SVIL: variants seen among roughly 807,000 people sequenced by gnomAD.
The protein encoded by SVIL is supervillin.
In SVIL, 101 loss-of-function variants were observed where a neutral mutation model predicts 240.4. The observed-to-expected ratio is 0.42, with a 90% confidence interval of 0.36 to 0.50. The LOEUF (loss-of-function observed/expected upper bound fraction) is 0.50, where lower values mean the gene tolerates loss of function less well. SVIL is among the 20% of genes least tolerant of loss of function. The pLI, the probability that SVIL is intolerant of heterozygous loss-of-function variation, is 0.01. For synonymous variants in SVIL, 999 were observed against 1,100.0 expected (o/e 0.91, Z 1.82); for missense variants, 2,512 against 2,818.7 (o/e 0.89, Z 2.46).
chr10:29,717,093 C>T (rs1963659072), intron 1 of SVIL, among the ~76,000 whole-genome samples: 1 of 151,782 alleles, frequency 6.6e-6, no homozygotes, highest in Admixed American at 6.6e-5. Context: ...ATTAGCCGGG[C>T]GTGGTGGGGG....
intron 1 of SVIL, among the ~76,000 whole-genome samples, chr10:29,590,307 G>C (rs1956342051): frequency 6.6e-6 from 1 of 151,774 alleles, no homozygotes; most frequent in Admixed American, 6.6e-5. Flanking sequence ...CTGCCCAACA[G>C]GTTCCCAGCA....
chr10:29,536,791 A>G (rs1297075020), intron 6 of SVIL, among the ~76,000 whole-genome samples: 1 of 151,666 alleles, frequency 6.6e-6, no homozygotes, highest in Non-Finnish European at 1.5e-5. Context: ...GGCACCAGTA[A>G]TTCCAGCTAC....
At chr10:29,676,481 A>G (rs56278021) in intron 2 of SVIL, among the ~76,000 whole-genome samples, 5,650 of 152,288 alleles carry the variant, frequency 0.037, 363 homozygotes, top group African/African-American at 0.13. Flanking sequence ...CTTACCCCCA[A>G]TGCAGAGAGC....
intron 1 of SVIL, among the ~76,000 whole-genome samples, chr10:29,727,591 T>C (rs7078975): frequency 0.81 from 122,851 of 152,040 alleles, 50,126 homozygotes; most frequent in East Asian, 0.95. Context: ...CCAAACCACC[T>C]GGGATAAGTA....
chr10:29,702,432 A>G (rs1282877894), intron 1 of SVIL, among the ~76,000 whole-genome samples: 2 of 152,184 alleles, frequency 1.3e-5, no homozygotes, highest in Non-Finnish European at 2.9e-5. Context: ...CGTGAGATTA[A>G]CAACTGCATG....
rs1547172 is a variant in SVIL at position 29,555,346 on chromosome 10, G to A, written c.-50-238C>T. 0.34 allele frequency among the ~76,000 whole-genome samples: 32,106 copies of A among 93,990 alleles called. 3,523 individuals are homozygous for A. The highest frequency in any genetic ancestry group is 0.37 in the African/African-American group (8,124 of 21,876). 61.7% of individuals were successfully genotyped at this position (93,990 alleles called of 152,430 possible). A position where few individuals can be genotyped will look rare whatever the true frequency, so the allele number is the denominator to read the frequency against. On this transcript the variant is annotated intron_variant, in intron 3 of 37. Transcript: ENST00000355867. ...CACACACACACACACACACACACAT[G>A]GACACACCCTAGGACGCATCATCCT...
At chr10:29,531,676 T>TA (rs1473622424) in intron 9 of SVIL, among the ~76,000 whole-genome samples, 1 of 152,228 alleles carries the variant, frequency 6.6e-6, no homozygotes, top group Admixed American at 6.5e-5. Flanking sequence ...ATTTTCACTG[T>TA]AAAATCTGGT....
intron 1 of SVIL, among the ~76,000 whole-genome samples, chr10:29,700,880 C>A (rs943599300): frequency 6.6e-6 from 1 of 152,154 alleles, no homozygotes; most frequent in Non-Finnish European, 1.5e-5. Flanking sequence ...CAAAAACAAG[C>A]TTGAGAAGCA....
intron 1 of SVIL, among the ~76,000 whole-genome samples, chr10:29,590,562 T>G (rs1195392292): frequency 6.6e-6 from 1 of 152,254 alleles, no homozygotes; most frequent in Non-Finnish European, 1.5e-5. Flanking sequence ...GTAGATCACA[T>G]ATGCCATCTG....
At position 29,532,994 on chromosome 10, in the gene SVIL, G is replaced by A. The variant is rs1476416523; in HGVS notation, c.1373C>T (p.Ala458Val). ...ALEQSKKTLLALEGDGLVRSP... is the reference protein window; with the variant it reads ...ALEQSKKTLLVLEGDGLVRSP... ...TCTCACTAGCCCATCACCCTCCAAA[G>A]CCAGTAGGGTTTTCTTGCTTTGCTC... The change falls in exon 8 of 38, where the codon GCT becomes GTT. Residue 458 changes from alanine (A) to valine (V), a missense_variant. Physicochemically the swap from Ala to Val is moderately conservative, Grantham distance 64 (BLOSUM62 0). This residue lies in a region of SVIL where 1,443 missense variants were observed against 1,486.6 expected (regional missense o/e 0.97). Transcript: ENST00000355867. The A allele has an allele frequency of 6.2e-7, 1 of 1,614,136 alleles. No homozygotes were observed. The highest frequency in any genetic ancestry group is 8.5e-7 in the Non-Finnish European group (1 of 1,180,024).
upstream of SVIL, among the ~76,000 whole-genome samples, chr10:29,636,910 T>G (rs771659632): frequency 6.6e-6 from 1 of 152,164 alleles, no homozygotes; most frequent in Non-Finnish European, 1.5e-5. Flanking sequence ...GAGGCAGTCC[T>G]CCTGCCTCAG....
At chr10:29,702,186 A>AAG (rs1962567698) in intron 1 of SVIL, among the ~76,000 whole-genome samples, 1 of 151,390 alleles carries the variant, frequency 6.6e-6, no homozygotes, top group Non-Finnish European at 1.5e-5. Flanking sequence ...AAAAAAAAAA[A>AAG]AAAAAAAAAA....
At chr10:29,555,259 T>C (rs1258488196) in intron 3 of SVIL, among the ~76,000 whole-genome samples, 151 bp from the exon 4 acceptor site, 1 of 152,114 alleles carries the variant, frequency 6.6e-6, no homozygotes, top group Non-Finnish European at 1.5e-5. Flanking sequence ...TCCTGCTTTC[T>C]TGGAAACTGT....
Position 29,522,519 on chromosome 10 carries a change from C to G in SVIL, c.3280G>C (p.Glu1094Gln). The G allele has an allele frequency of 6.2e-7, 1 of 1,614,248 alleles. No individual in the cohort carries two copies. Among genetic ancestry groups the G allele is most frequent in the Non-Finnish European group, 8.5e-7 (1 of 1,180,038 alleles). Residue 1094 changes from glutamate (E) to glutamine (Q), a missense_variant, in exon 16 of 38, where the codon GAG (glutamate) becomes CAG (glutamine). Around this residue, in one of 3 missense-constraint regions of SVIL, gnomAD observed 1,443 missense variants for 1,486.6 expected, o/e 0.97. Coordinates refer to ENST00000355867, the MANE Select transcript of SVIL (RefSeq NM_021738.3). Reference sequence around the variant, plus strand: ...GCACATGGATTCTTGCAGAGCTTCTCCTGTGGCTGTTCCGAAGAATCCTGG... The same window carrying G: ...GCACATGGATTCTTGCAGAGCTTCTGCTGTGGCTGTTCCGAAGAATCCTGG... ...KPQDSSEQPQ[E>Q]KLCKNPCAMF...
chr10:29,469,791 C>T (rs1286375943), intron 32 of SVIL, among the ~76,000 whole-genome samples: 2 of 152,204 alleles, frequency 1.3e-5, no homozygotes, highest in Non-Finnish European at 2.9e-5. Context: ...CCGGAGAGTC[C>T]GATCCCTCTC....
At chr10:29,525,073 G>A (rs917928649) in intron 13 of SVIL, among the ~76,000 whole-genome samples, 3 of 152,060 alleles carry the variant, frequency 2.0e-5, no homozygotes, top group South Asian at 4.1e-4. Flanking sequence ...TATTACCTAC[G>A]GTGTATTTAG....
Position 29,465,614 on chromosome 10 carries a change from C to T in SVIL, c.6114G>A (p.Leu2038=), listed in dbSNP as rs111548204. Residue 2038 remains leucine (L), a synonymous_variant, in exon 34 of 38, where the codon CTG becomes CTA. Transcript: ENST00000355867. ...CCTTACCTGGCTGGGGCGCGCTGTA[C>T]AGATCTTCCTGCAGGAAGGGCATGG... is the stretch of plus-strand genomic sequence containing the variant. The part of the protein sequence containing the change: ...VSSMPFLQED[L]YSAPQPALFL... 5.4e-3 allele frequency: 8,683 copies of T among 1,613,156 alleles called. 209 individuals are homozygous for T. In the Admixed American group the frequency reaches 0.078, roughly 14 times the overall value.
chr10:29,470,218 C>T (rs1945400582), intron 32 of SVIL, 58 bp downstream of exon 32: 1 of 1,591,396 alleles, frequency 6.3e-7, no homozygotes, highest in Non-Finnish European at 8.6e-7. Flanking sequence ...CCTGAGCCTG[C>T]CCCGTCCCTC....
At chr10:29,631,933 G>A (rs1285043488) in intron 1 of SVIL, among the ~76,000 whole-genome samples, 6 of 152,252 alleles carry the variant, frequency 3.9e-5, no homozygotes, top group South Asian at 2.1e-4. Context: ...CTAGACCTAC[G>A]GATACTCCCA....
Sources: allele counts gnomAD v4.1 joint callset (sites outside exome capture counted in the v4.1 genomes callset), GRCh38; gene constraint gnomAD v4.1.1; regional missense constraint gnomAD v4.1.1; transcripts MANE v1.5; gene names NCBI Gene and HGNC (gene_info 2026-07-23, HGNC 2026-07-21).